Variants in IMMP2L observed in about 807,000 individuals in gnomAD.
IMMP2L encodes the protein inner mitochondrial membrane peptidase subunit 2, also known as mitochondrial inner membrane protease subunit 2.
IMMP2L carries 18 observed loss-of-function variants against 19.3 expected under a neutral mutation model. That is an observed-to-expected ratio of 0.93 (90% CI 0.64 to 1.38). The LOEUF (loss-of-function observed/expected upper bound fraction) is 1.38, where lower values mean the gene tolerates loss of function less well. Among genes scored for constraint, IMMP2L ranks in the 40% most tolerant of loss-of-function variants. The pLI is 0.00. For missense variants in IMMP2L, 233 were observed against 218.2 expected (o/e 1.07, Z -0.43); for synonymous variants, 76 against 73.0 (o/e 1.04, Z -0.21).
chr7:111,054,604 C>A (rs532287861), intron 3 of IMMP2L, among the ~76,000 whole-genome samples: 58 of 152,314 alleles, frequency 3.8e-4, no homozygotes, highest in African/African-American at 1.2e-3. Flanking sequence ...TTAATTACCA[C>A]AGAAGAGAAG....
chr7:111,500,865 G>T (rs1429461136), intron 2 of IMMP2L, among the ~76,000 whole-genome samples: 1 of 152,126 alleles, frequency 6.6e-6, no homozygotes, highest in Non-Finnish European at 1.5e-5. Flanking sequence ...AAACCACAAA[G>T]ATGGGGGAAA....
At chr7:111,295,711 G>A (rs888119332) in intron 3 of IMMP2L, among the ~76,000 whole-genome samples, 3 of 151,684 alleles carry the variant, frequency 2.0e-5, no homozygotes, top group African/African-American at 7.3e-5. Flanking sequence ...ACATACACAA[G>A]TAAAATTTAT....
intron 4 of IMMP2L, among the ~76,000 whole-genome samples, chr7:110,928,508 A>C (rs932798600): frequency 6.6e-6 from 1 of 150,510 alleles, no homozygotes; most frequent in East Asian, 2.0e-4. Flanking sequence ...ATGATTTTTA[A>C]AAGTTCAGTG....
chr7:111,344,125 A>G (rs1056353083), intron 3 of IMMP2L, among the ~76,000 whole-genome samples: 1 of 152,110 alleles, frequency 6.6e-6, no homozygotes, highest in Non-Finnish European at 1.5e-5. Context: ...TAGAGCTGTC[A>G]AACTATAAAT....
At chr7:111,020,181 C>A (rs968123018) in intron 3 of IMMP2L, among the ~76,000 whole-genome samples, 1 of 150,886 alleles carries the variant, frequency 6.6e-6, no homozygotes, top group Non-Finnish European at 1.5e-5. Context: ...GTCAGGAGTT[C>A]GAGACCAGCC....
intron 5 of IMMP2L, among the ~76,000 whole-genome samples, chr7:110,694,934 G>C (rs182639178): frequency 1.3e-5 from 2 of 152,048 alleles, no homozygotes; most frequent in African/African-American, 4.8e-5. Context: ...CCTTGAAAGC[G>C]TCGTGTTAAG....
At chr7:111,221,604 G>C (rs1264404824) in intron 3 of IMMP2L, among the ~76,000 whole-genome samples, 1 of 151,906 alleles carries the variant, frequency 6.6e-6, no homozygotes, top group Non-Finnish European at 1.5e-5. Flanking sequence ...TCACATTACG[G>C]GGAAAATTAT....
intron 3 of IMMP2L, among the ~76,000 whole-genome samples, chr7:110,974,025 C>T (rs1418705933): frequency 6.6e-6 from 1 of 152,154 alleles, no homozygotes; most frequent in Admixed American, 6.6e-5. Context: ...TAATAAGTCT[C>T]TCCCAGACAC....
intron 3 of IMMP2L, among the ~76,000 whole-genome samples, chr7:111,108,015 T>C (rs369909867): frequency 5.9e-5 from 9 of 152,300 alleles, no homozygotes; most frequent in African/African-American, 2.2e-4. Context: ...TAACCGAGTA[T>C]ATATGGCTTT....
At chr7:111,050,463 A>G (rs921357479) in intron 3 of IMMP2L, among the ~76,000 whole-genome samples, 3 of 152,160 alleles carry the variant, frequency 2.0e-5, no homozygotes, top group Admixed American at 6.5e-5. Context: ...AAGTCTAAAC[A>G]TATCAGCCCA....
At chr7:110,692,719 A>G (rs1313203372) in intron 5 of IMMP2L, among the ~76,000 whole-genome samples, 1 of 152,200 alleles carries the variant, frequency 6.6e-6, no homozygotes, top group Non-Finnish European at 1.5e-5. Context: ...TCTAGGAGGA[A>G]TTACTATTCA....
At chr7:110,666,324 G>T (rs963972061) in intron 5 of IMMP2L, among the ~76,000 whole-genome samples, 1 of 152,130 alleles carries the variant, frequency 6.6e-6, no homozygotes, top group Non-Finnish European at 1.5e-5. Flanking sequence ...GCCCAGGCTG[G>T]AGTGCAGTGG....
intron 3 of IMMP2L, among the ~76,000 whole-genome samples, chr7:111,177,891 G>A (rs1807252764): frequency 1.3e-5 from 2 of 151,932 alleles, no homozygotes; most frequent in African/African-American, 4.8e-5. Context: ...GTTAAATCCT[G>A]GCTTCCACAT....
At chr7:111,048,893 A>G (rs1206393592) in intron 3 of IMMP2L, among the ~76,000 whole-genome samples, 2 of 152,118 alleles carry the variant, frequency 1.3e-5, no homozygotes, top group Non-Finnish European at 2.9e-5. Context: ...TGTCCTCAGA[A>G]GAGATTCTGA....
chr7:110,977,228 A>G (rs1483271361), intron 3 of IMMP2L, among the ~76,000 whole-genome samples: 1 of 151,924 alleles, frequency 6.6e-6, no homozygotes, highest in Non-Finnish European at 1.5e-5. Context: ...TCTTATTACA[A>G]TCAATGGCAT....
chr7:111,335,490 T>C (rs568336386), intron 3 of IMMP2L, among the ~76,000 whole-genome samples: 1 of 152,082 alleles, frequency 6.6e-6, no homozygotes, highest in Non-Finnish European at 1.5e-5. Flanking sequence ...GTAAAAGTTA[T>C]CAACGTGAAA....
At chr7:111,243,431 G>A (rs886201414) in intron 3 of IMMP2L, among the ~76,000 whole-genome samples, 7 of 151,370 alleles carry the variant, frequency 4.6e-5, no homozygotes, top group African/African-American at 1.7e-4. Flanking sequence ...AGGTTTTCCA[G>A]TCCTTCATGT....
intron 5 of IMMP2L, among the ~76,000 whole-genome samples, chr7:110,740,146 T>G (rs948517151): frequency 1.3e-5 from 2 of 151,946 alleles, no homozygotes; most frequent in African/African-American, 4.8e-5. Context: ...AGGTCACACC[T>G]CACAAAACTG....
intron 3 of IMMP2L, among the ~76,000 whole-genome samples, chr7:111,015,436 A>G (rs1825397873): frequency 6.6e-6 from 1 of 152,126 alleles, no homozygotes; most frequent in Non-Finnish European, 1.5e-5. Flanking sequence ...TAAAATGGGC[A>G]TAGAGTTTTA....
Sources: gnomAD v4.1 joint callset for allele counts (sites outside exome capture counted in the v4.1 genomes callset) on GRCh38, gnomAD v4.1.1 for gene constraint, MANE v1.5 for transcripts, NCBI Gene and HGNC (gene_info 2026-07-23, HGNC 2026-07-21) for gene names.